The following PIK3AP1 variants were observed in gnomAD, a reference collection of about 807,000 sequenced individuals.
PIK3AP1 encodes phosphoinositide 3-kinase adapter protein 1.
In PIK3AP1, 21 loss-of-function variants were observed where a neutral mutation model predicts 88.1. The observed-to-expected ratio is 0.24, with a 90% CI of 0.17 to 0.34. PIK3AP1 has a LOEUF of 0.34. PIK3AP1 is among the 10% of genes least tolerant of loss of function. The pLI is 1.00. For synonymous variants in PIK3AP1, 398 were observed against 400.0 expected, an observed-to-expected ratio of 1.00 and a Z score of 0.06; for missense variants, 828 against 1,035.7, an observed-to-expected ratio of 0.80 and a Z score of 2.75.
intron 1 of PIK3AP1, among the ~76,000 whole-genome samples, chr10:96,714,842 A>G (rs1844481796): frequency 6.6e-6 from 1 of 152,256 alleles, no homozygotes; most frequent in Non-Finnish European, 1.5e-5. Flanking sequence ...GTCCATACTG[A>G]TACAAAATAA....
rs1433698837 is a variant in PIK3AP1 at position 96,663,643 on chromosome 10, A to G, written c.431-6709T>C. Among the ~76,000 whole-genome samples, 5 of 150,822 alleles carry G rather than the reference A, an allele frequency of 3.3e-5. No individual in the cohort carries two copies. The East Asian group carries it at 9.6e-4, about 29-fold the overall frequency. On this transcript the variant is annotated intron_variant, in intron 2 of 16. Transcript: ENST00000339364. Reference sequence around the variant, plus strand: ...AGACTCCGTCAAAAAAAAAAAAAAAAAAAAAAAAAAAGAAACCCATTGGCA... The same window carrying G: ...AGACTCCGTCAAAAAAAAAAAAAAAGAAAAAAAAAAAGAAACCCATTGGCA...
At chr10:96,688,226 T>G (rs561118133) in intron 2 of PIK3AP1, among the ~76,000 whole-genome samples, 1 of 152,240 alleles carries the variant, frequency 6.6e-6, no homozygotes, top group Admixed American at 6.5e-5. Context: ...CCACCCAGGA[T>G]GAAGATGAGG....
At chr10:96,635,283 G>T (rs866454381) in intron 8 of PIK3AP1, among the ~76,000 whole-genome samples, 62 of 152,154 alleles carry the variant, frequency 4.1e-4, no homozygotes, top group African/African-American at 1.4e-3. Context: ...GGAAAGAGAG[G>T]ACAGAAATTA....
chr10:96,652,444 G>A (rs1260171768), intron 4 of PIK3AP1, among the ~76,000 whole-genome samples: 2 of 152,024 alleles, frequency 1.3e-5, no homozygotes, highest in East Asian at 1.9e-4. Context: ...GTGGTGGTGG[G>A]TGCCTGTAGT....
At chr10:96,672,978 G>A (rs1294675547) in intron 2 of PIK3AP1, among the ~76,000 whole-genome samples, 1 of 152,218 alleles carries the variant, frequency 6.6e-6, no homozygotes, top group African/African-American at 2.4e-5. Context: ...ATAGAGGCAT[G>A]GGCCATGAAC....
At chr10:96,691,014 C>G (rs1477977552) in intron 2 of PIK3AP1, among the ~76,000 whole-genome samples, 1 of 152,170 alleles carries the variant, frequency 6.6e-6, no homozygotes, top group African/African-American at 2.4e-5. Flanking sequence ...AGAGGTAACT[C>G]CAGGGAGTTC....
intron 8 of PIK3AP1, among the ~76,000 whole-genome samples, chr10:96,642,425 C>CAAAAAAAAAAAAAAAAAAAAAAAAAAAA (rs34912752): frequency 1.0e-5 from 1 of 98,964 alleles, no homozygotes; most frequent in Non-Finnish European, 2.1e-5. Flanking sequence ...GATGTTGTCT[C>CAAAAAAAAAAAAAAAAAAAAAAAAAAAA]AAAAAAAAAA....
chr10:96,625,516 A>G (rs1843142611), intron 10 of PIK3AP1, among the ~76,000 whole-genome samples: 2 of 152,340 alleles, frequency 1.3e-5, no homozygotes, highest in South Asian at 4.2e-4. Flanking sequence ...GGATTTCACA[A>G]AACAAAAATG....
intron 6 of PIK3AP1, among the ~76,000 whole-genome samples, chr10:96,649,864 C>T (rs776764972): frequency 6.6e-6 from 1 of 152,208 alleles, no homozygotes; most frequent in African/African-American, 2.4e-5. Context: ...CCTCCACCTA[C>T]TGACATCTGA....
intron 2 of PIK3AP1, among the ~76,000 whole-genome samples, chr10:96,662,599 G>A (rs1336886234): frequency 6.6e-5 from 10 of 151,550 alleles, no homozygotes; most frequent in African/African-American, 1.5e-4. Context: ...GGGAAACTCC[G>A]GCCGGGCGCG....
chr10:96,623,403 A>C (rs536821761), intron 11 of PIK3AP1, 69 bp downstream of exon 11: 1 of 1,401,878 alleles, frequency 7.1e-7, no homozygotes, highest in Admixed American at 1.7e-5. Flanking sequence ...CTATTGTTAC[A>C]CTTGGAAATC....
chr10:96,676,216 C>T (rs1843917036), intron 2 of PIK3AP1, among the ~76,000 whole-genome samples: 2 of 152,242 alleles, frequency 1.3e-5, no homozygotes, highest in African/African-American at 2.4e-5. Flanking sequence ...CAGGATCATC[C>T]TCAGGCTCTG....
chr10:96,711,892 A>G (rs901081225), intron 1 of PIK3AP1, among the ~76,000 whole-genome samples: 29 of 151,216 alleles, frequency 1.9e-4, no homozygotes, highest in African/African-American at 4.9e-4. Context: ...CTGGGACTAC[A>G]GGCGCCCGCC....
Position 96,651,552 on chromosome 10 carries a change from T to A in PIK3AP1, c.812A>T (p.Asn271Ile). The A allele has an allele frequency of 6.2e-7, 1 of 1,614,222 alleles. No homozygotes were observed. The highest frequency in any genetic ancestry group is 8.5e-7 in the Non-Finnish European group (1 of 1,180,036). ...AGGATTCGCGGCATTGGACAATAAA[T>A]TCCCAATTTCTTCCATGTCAGTATA... ...SYYTDMEEIGNLLSNAANPVE... is the reference protein window; with the variant it reads ...SYYTDMEEIGILLSNAANPVE... The change falls in exon 5 of 17, where the codon AAT becomes ATT. Residue 271 changes from asparagine (N) to isoleucine (I), a missense_variant. By Grantham distance (149) the Asn-to-Ile change is moderately radical. Transcript: ENST00000339364.
chr10:96,616,838 A>T, intron 12 of PIK3AP1, 127 bp from the exon 13 acceptor site: 1 of 875,132 alleles, frequency 1.1e-6, no homozygotes. Context: ...ACAACATGCA[A>T]ATGAGGCTCA....
chr10:96,621,649 T>C (rs1201456992), intron 11 of PIK3AP1: 1 of 152,366 alleles, frequency 6.6e-6, no homozygotes, highest in African/African-American at 2.4e-5. Context: ...AGGGAGGCCA[T>C]CGCAGCCTGC....
rs763923650 is a variant in PIK3AP1 at position 96,711,739 on chromosome 10, A to ATTTTTTTTTTTTTTTTTTTTTTTTTTTT, written c.14-1784_14-1757dup. ...ATTTCCCCCAGGATGAGATTACCAA[A>ATTTTTTTTTTTTTTTTTTTTTTTTTTTT]TTTTTTTTTTTTTTTTTTTTTTTTT... On this transcript the variant is annotated intron_variant, in intron 1 of 16. Transcript: ENST00000339364. 4.5e-5 allele frequency among the ~76,000 whole-genome samples: 3 copies of ATTTTTTTTTTTTTTTTTTTTTTTTTTTT among 66,446 alleles called. 1 individual carries two copies. Among genetic ancestry groups the ATTTTTTTTTTTTTTTTTTTTTTTTTTTT allele is most frequent in the African/African-American group, 2.1e-4 (3 of 14,256 alleles). 43.6% of individuals were successfully genotyped at this position (66,446 alleles called of 152,430 possible). A position where few individuals can be genotyped will look rare whatever the true frequency, so the allele number is the denominator to read the frequency against.
chr10:96,677,787 C>T (rs1208532629), intron 2 of PIK3AP1, among the ~76,000 whole-genome samples: 1 of 152,070 alleles, frequency 6.6e-6, no homozygotes, highest in Non-Finnish European at 1.5e-5. Context: ...GTTATAGAAA[C>T]CACTGGAAAC....
At chr10:96,651,175 G>T (rs986058938) in intron 6 of PIK3AP1, 73 bp downstream of exon 6, 2 of 1,580,480 alleles carry the variant, frequency 1.3e-6, no homozygotes, top group African/African-American at 2.7e-5. Context: ...AAACGCGTAT[G>T]TTGATGGGAT....
Sources: allele counts gnomAD v4.1 joint callset (sites outside exome capture counted in the v4.1 genomes callset), GRCh38; gene constraint gnomAD v4.1.1; transcripts MANE v1.5; gene names NCBI Gene and HGNC (gene_info 2026-07-23, HGNC 2026-07-21).